Variants in FER1L5 observed in about 807,000 individuals in gnomAD.
The protein encoded by FER1L5 is fer-1 like family member 5, also known as fer-1-like protein 5.
Under a neutral mutation model 279.9 loss-of-function variants are expected in FER1L5, and 187 were observed. That is an observed-to-expected ratio of 0.67 (90% CI 0.59 to 0.75). FER1L5 has a LOEUF of 0.75. Among genes scored for constraint, FER1L5 ranks in the 30% least tolerant of loss-of-function variants. FER1L5 has a pLI of 0.00. For missense variants in FER1L5, 2,091 were observed against 2,594.4 expected (o/e 0.81, Z 4.21); for synonymous variants, 921 against 989.7 (o/e 0.93, Z 1.30).
intron 9 of FER1L5, among the ~76,000 whole-genome samples, chr2:96,657,381 T>C (rs1490127188): frequency 2.0e-5 from 3 of 152,146 alleles, no homozygotes; most frequent in Non-Finnish European, 4.4e-5. Context: ...TGCCCTGTTT[T>C]TTTTATGTTA....
chr2:96,646,655 G>A (rs1209533563), intron 2 of FER1L5, among the ~76,000 whole-genome samples: 2 of 152,126 alleles, frequency 1.3e-5, no homozygotes, highest in African/African-American at 4.8e-5. Flanking sequence ...ACGACTGTTC[G>A]TGGCCCTTCT....
rs2077725435 is a variant in FER1L5 at position 96,704,769 on chromosome 2, T to C, written c.*77T>C. The C allele has an allele frequency of 1.8e-6, 2 of 1,105,536 alleles. No individual in the cohort carries two copies. Among genetic ancestry groups the C allele is most frequent in the East Asian group, 4.7e-5 (2 of 42,122 alleles). The allele number at this position is 1,105,536 out of a possible 1,614,324, so 68.5% of individuals were successfully genotyped here. A position where few individuals can be genotyped will look rare whatever the true frequency, so the allele number is the denominator to read the frequency against. On this transcript the variant is annotated 3_prime_UTR_variant, in exon 53 of 53. Transcript: ENST00000624922. ...GCTGGCTACCAGTTCTTTGTTTCTA[T>C]CTTCTAGAATATATGCAAGATGCTA...
At position 96,674,341 on chromosome 2, in the gene FER1L5, G is replaced by A. The variant is rs2076434236; in HGVS notation, c.1669+1087G>A. ...GGGTTCAAGCGATTCTCCTGCCCCA[G>A]CCTCCCGAGTAGCTGGGACTACAGG... On this transcript the variant is annotated intron_variant, in intron 19 of 52. Coordinates refer to ENST00000624922, the MANE Select transcript of FER1L5 (RefSeq NM_001293083.2). Among the ~76,000 whole-genome samples, 4 of 152,114 alleles carry A rather than the reference G, an allele frequency of 2.6e-5. No individual in the cohort carries two copies. In the South Asian group the frequency reaches 8.3e-4, roughly 32 times the overall value.
chr2:96,690,772 A>G (rs1275564561), intron 27 of FER1L5, among the ~76,000 whole-genome samples, 183 bp downstream of exon 27: 1 of 152,174 alleles, frequency 6.6e-6, no homozygotes, highest in Admixed American at 6.5e-5. Context: ...TTGAGACAGC[A>G]CAGGCCCTCA....
At position 96,650,223 on chromosome 2, in the gene FER1L5, T is replaced by C; in HGVS notation, c.438T>C (p.Ser146=). ...HLGITAREAA[S]QKLMVPGSTA... Reference sequence around the variant, plus strand: ...GCATAACGGCAAGAGAGGCAGCCAGTCAGAAACTGATGGTCCCTGGCTCCA... The same window carrying C: ...GCATAACGGCAAGAGAGGCAGCCAGCCAGAAACTGATGGTCCCTGGCTCCA... The change falls in exon 6 of 53, where the codon AGT becomes AGC. Residue 146 remains serine (S), a synonymous_variant. Coordinates refer to ENST00000624922, the MANE Select transcript of FER1L5 (RefSeq NM_001293083.2). 1 of 1,551,676 alleles carries C rather than the reference T, an allele frequency of 6.4e-7. No individual in the cohort carries two copies. The highest frequency in any genetic ancestry group is 1.4e-5 in the African/African-American group (1 of 73,162).
chr2:96,663,456 G>A lies in FER1L5; in HGVS notation c.1089G>A (p.Gln363=). The part of the protein sequence containing the change: ...LIGEKLRTHM[Q]TQTDNPIWNQ... ...CATTCCAGCTCAGGACACACATGCA[G>A]ACCCAAACCGACAACCCGATATGGA... is the stretch of plus-strand genomic sequence containing the variant. Residue 363 remains glutamine (Q), a synonymous_variant, in exon 14 of 53, where the codon CAG becomes CAA. Transcript: ENST00000624922. 1 of 1,551,634 alleles carries A rather than the reference G, an allele frequency of 6.4e-7. No individual in the cohort carries two copies. The highest frequency in any genetic ancestry group is 1.2e-5 in the South Asian group (1 of 84,062).
At chr2:96,666,306 C>T (rs1185859246) in intron 14 of FER1L5, among the ~76,000 whole-genome samples, 1 of 150,616 alleles carries the variant, frequency 6.6e-6, no homozygotes, top group Non-Finnish European at 1.5e-5. Flanking sequence ...GTGGTTCCGC[C>T]ATAAATCTGA....
In FER1L5 at chr2:96,690,499, A is replaced by G. The variant is rs2077100092; in HGVS notation, c.2653A>G (p.Met885Val). 2 of 1,551,432 alleles carry G rather than the reference A, an allele frequency of 1.3e-6. No homozygotes were observed. Among genetic ancestry groups the G allele is most frequent in the African/African-American group, 1.4e-5 (1 of 73,046 alleles). Reference protein sequence around the residue: ...IPNTDVNGQPMEARENVKCPQ... With the variant: ...IPNTDVNGQPVEARENVKCPQ... ...TGTCCACCTGCAGAATGGACAGCCC[A>G]TGGAGGCCCGGGAGAACGTGAAGTG... The change falls in exon 27 of 53, where the codon ATG becomes GTG. Residue 885 changes from methionine (M) to valine (V), a missense_variant. By Grantham distance (21) the Met-to-Val change is conservative. Transcript: ENST00000624922.
intron 8 of FER1L5, chr2:96,654,174 G>T: frequency 3.0e-6 from 1 of 332,910 alleles, no homozygotes; most frequent in Non-Finnish European, 5.4e-6. Context: ...AATGGATAAC[G>T]TTGAGTGCAA....
chr2:96,697,525 G>A lies in FER1L5; in HGVS notation c.4084-1G>A, dbSNP rs765585222. 3.7e-6 allele frequency: 6 copies of A among 1,613,142 alleles called. No individual in the cohort carries two copies. The Admixed American group carries it at 8.3e-5, about 22-fold the overall frequency. On this transcript the variant is annotated splice_acceptor_variant, in intron 37 of 52. Transcript: ENST00000624922. LOFTEE classifies it high-confidence loss of function. ...CCCTTGCTCACCCTCTCCTTTTTCAGTTCCTAGGCTACCTCTACAGAAAGT... is the reference window on the plus strand; with the variant it reads ...CCCTTGCTCACCCTCTCCTTTTTCAATTCCTAGGCTACCTCTACAGAAAGT...
In FER1L5 at chr2:96,669,031, C is replaced by A; in HGVS notation, c.1268-12C>A. 1.9e-6 allele frequency: 3 copies of A among 1,551,714 alleles called. No individual in the cohort carries two copies. The highest frequency in any genetic ancestry group is 1.7e-6 in the Non-Finnish European group (2 of 1,146,976). ...TCCTGCGCCCGACCCTTCTCACTCTCTCTCCTTCCAGGAGTGTACTCCGGC... is the reference window on the plus strand; with the variant it reads ...TCCTGCGCCCGACCCTTCTCACTCTATCTCCTTCCAGGAGTGTACTCCGGC... On this transcript the variant is annotated splice_polypyrimidine_tract_variant and intron_variant, in intron 16 of 52. Transcript: ENST00000624922.
At position 96,689,193 on chromosome 2, in the gene FER1L5, G is replaced by A. The variant is rs1436987261; in HGVS notation, c.2362-20G>A. 3 of 1,548,754 alleles carry A rather than the reference G, an allele frequency of 1.9e-6. No individual in the cohort carries two copies. The highest frequency in any genetic ancestry group is 4.0e-5 in the Admixed American group (2 of 50,488). On this transcript the variant is annotated intron_variant, in intron 24 of 52. Coordinates refer to ENST00000624922, the MANE Select transcript of FER1L5 (RefSeq NM_001293083.2). This position sits in a 1 kb window ranked among gnomAD's most constrained non-coding sequence, Gnocchi z 4.6. Reference sequence around the variant, plus strand: ...TTGTGCTAGAGGAGGCGGCCGCCCTGACAAGCTTCCCTCCCCTAGTATGAG... The same window carrying A: ...TTGTGCTAGAGGAGGCGGCCGCCCTAACAAGCTTCCCTCCCCTAGTATGAG...
intron 19 of FER1L5, among the ~76,000 whole-genome samples, chr2:96,681,541 A>G (rs1194262998): frequency 6.6e-6 from 1 of 152,088 alleles, no homozygotes; most frequent in East Asian, 1.9e-4. Flanking sequence ...TTAAAAAATA[A>G]TAATTATTAT....
At chr2:96,654,681 C>T (rs538095676) in intron 9 of FER1L5, 185 bp downstream of exon 9, 23 of 341,962 alleles carry the variant, frequency 6.7e-5, no homozygotes, top group South Asian at 1.6e-4. Context: ...CGGTGGATCA[C>T]GAGGTCAGGA....
In FER1L5 at chr2:96,698,663, C is replaced by A; in HGVS notation, c.4357-8C>A. 1 of 1,577,720 alleles carries A rather than the reference C, an allele frequency of 6.3e-7. No homozygotes were observed. The highest frequency in any genetic ancestry group is 1.4e-5 in the African/African-American group (1 of 73,878). On this transcript the variant is annotated splice_polypyrimidine_tract_variant and splice_region_variant and intron_variant, in intron 40 of 52. Coordinates refer to ENST00000624922, the MANE Select transcript of FER1L5 (RefSeq NM_001293083.2). The surrounding 1 kb of genome is among the most constrained non-coding windows in gnomAD (Gnocchi z 5.5). ...CAGGCTGGGCCCCCAACACCCTCCC[C>A]CCGCCAGGGCCTTTTCCGCATCTAC...
chr2:96,688,055 G>A, intron 24 of FER1L5, 108 bp downstream of exon 24: 1 of 1,426,436 alleles, frequency 7.0e-7, no homozygotes, highest in Middle Eastern at 2.2e-4. Flanking sequence ...GCGTGAGAAG[G>A]GAGGGTGTAG....
At chr2:96,690,390 G>A in intron 26 of FER1L5, 97 bp from the exon 27 acceptor site, 1 of 1,124,948 alleles carries the variant, frequency 8.9e-7, no homozygotes, top group Non-Finnish European at 1.3e-6. Flanking sequence ...GGCTGCTGCG[G>A]CCACAGCAGG....
intron 9 of FER1L5, chr2:96,654,960 T>TG (rs1263169858): frequency 6.7e-6 from 1 of 149,580 alleles, no homozygotes. Flanking sequence ...ACCAACTGGG[T>TG]GACTTAAACA....
At chr2:96,659,177 C>T (rs1422202613) in intron 9 of FER1L5, among the ~76,000 whole-genome samples, 1 of 152,056 alleles carries the variant, frequency 6.6e-6, no homozygotes, top group Non-Finnish European at 1.5e-5. Flanking sequence ...TCGTGATCCG[C>T]CTGCCTCAGC....
Sources: allele counts gnomAD v4.1 joint callset (sites outside exome capture counted in the v4.1 genomes callset), GRCh38; gene constraint gnomAD v4.1.1; non-coding constraint Gnocchi (gnomAD v3.1); transcripts MANE v1.5; gene names NCBI Gene and HGNC (gene_info 2026-07-23, HGNC 2026-07-21).